The following SGCZ variants were observed in gnomAD, a reference collection of about 807,000 sequenced individuals.
SGCZ encodes zeta-sarcoglycan.
SGCZ carries 40 observed loss-of-function variants against 41.3 expected under a neutral mutation model. The ratio of observed to expected loss-of-function variants is 0.97; its 90% CI spans 0.75 to 1.26. SGCZ has a LOEUF of 1.26. SGCZ is among the 50% of genes most tolerant of loss of function. The pLI is 0.00. For synonymous variants in SGCZ, 206 were observed against 137.5 expected, an observed-to-expected ratio of 1.50 and a Z score of -3.49; for missense variants, 552 against 369.8, an observed-to-expected ratio of 1.49 and a Z score of -4.04.
chr8:14,951,383 C>T (rs73517382), intron 1 of SGCZ, among the ~76,000 whole-genome samples: 14,316 of 151,944 alleles, frequency 0.094, 882 homozygotes, highest in African/African-American at 0.16. Context: ...CACTATAGTG[C>T]ATGTCAAATT....
intron 1 of SGCZ, among the ~76,000 whole-genome samples, chr8:14,612,182 C>T (rs1032576402): frequency 7.2e-5 from 11 of 152,080 alleles, no homozygotes; most frequent in Non-Finnish European, 1.6e-4. Flanking sequence ...TGTGTCCCCA[C>T]CCAAATCTCA....
chr8:14,834,640 C>T (rs1476469123), intron 1 of SGCZ, among the ~76,000 whole-genome samples: 9 of 152,176 alleles, frequency 5.9e-5, no homozygotes, highest in Admixed American at 2.0e-4. Flanking sequence ...TATGATCGCA[C>T]TTTGGAGCGG....
Position 14,994,349 on chromosome 8 carries a change from C to T in SGCZ, c.39+243236G>A, listed in dbSNP as rs956353169. ...CTGTAATCCCAGCACTTTGGGAGGCCGAGGCGGGCAGATTGCCTGAGCTCA... is the reference window on the plus strand; with the variant it reads ...CTGTAATCCCAGCACTTTGGGAGGCTGAGGCGGGCAGATTGCCTGAGCTCA... On this transcript the variant is annotated intron_variant, in intron 1 of 7. Transcript: ENST00000382080. Among the ~76,000 whole-genome samples the T allele has an allele frequency of 6.6e-5, 10 of 152,078 alleles. 1 individual carries two copies. In the South Asian group the frequency reaches 1.0e-3, roughly 16 times the overall value.
At chr8:14,401,288 TTTTC>T (rs1267230451) in intron 2 of SGCZ, among the ~76,000 whole-genome samples, 5 of 151,984 alleles carry the variant, frequency 3.3e-5, no homozygotes, top group African/African-American at 9.7e-5. Context: ...ATTTATTTTT[TTTTC>T]TTTAATTATT....
At chr8:14,514,682 C>G (rs540339495) in intron 2 of SGCZ, among the ~76,000 whole-genome samples, 17 of 147,630 alleles carry the variant, frequency 1.2e-4, no homozygotes, top group Non-Finnish European at 2.1e-4. Flanking sequence ...AATATATATA[C>G]GTATATATTT....
At chr8:15,046,602 T>C (rs1804310198) in intron 1 of SGCZ, among the ~76,000 whole-genome samples, 1 of 151,992 alleles carries the variant, frequency 6.6e-6, no homozygotes, top group African/African-American at 2.4e-5. Flanking sequence ...GTTTCCCTGA[T>C]GCCCCAGTCC....
chr8:14,908,793 TA>T (rs1799197077), intron 1 of SGCZ, among the ~76,000 whole-genome samples: 1 of 148,966 alleles, frequency 6.7e-6, no homozygotes, highest in Admixed American at 6.7e-5. Flanking sequence ...CCTAATTCAC[TA>T]TAAAAAATAT....
At chr8:14,158,063 A>C (rs1803930644) in intron 5 of SGCZ, among the ~76,000 whole-genome samples, 1 of 151,520 alleles carries the variant, frequency 6.6e-6, no homozygotes, top group African/African-American at 2.4e-5. Flanking sequence ...TTGTGCCAAA[A>C]TTGTTCCAGC....
At chr8:14,657,084 A>G (rs751658938) in intron 1 of SGCZ, among the ~76,000 whole-genome samples, 5 of 152,012 alleles carry the variant, frequency 3.3e-5, no homozygotes, top group African/African-American at 1.2e-4. Context: ...TATTTTCAAT[A>G]ACTTTTTAAA....
At chr8:14,367,068 C>A (rs1168887220) in intron 2 of SGCZ, among the ~76,000 whole-genome samples, 1 of 152,114 alleles carries the variant, frequency 6.6e-6, no homozygotes, top group Non-Finnish European at 1.5e-5. Flanking sequence ...GCTCTGCTTT[C>A]TCCTGAACAC....
intron 1 of SGCZ, among the ~76,000 whole-genome samples, chr8:15,197,329 A>T (rs1800760726): frequency 6.6e-6 from 1 of 152,212 alleles, no homozygotes; most frequent in African/African-American, 2.4e-5. Context: ...AATACATATG[A>T]TGGCCTGTTT....
At chr8:15,043,317 C>A (rs977561336) in intron 1 of SGCZ, among the ~76,000 whole-genome samples, 5 of 152,240 alleles carry the variant, frequency 3.3e-5, no homozygotes, top group East Asian at 3.9e-4. Context: ...GATAAACTTT[C>A]TCGGTCGTTT....
chr8:15,217,281 T>G lies in SGCZ; in HGVS notation c.39+20304A>C, dbSNP rs1029164861. Among the ~76,000 whole-genome samples, 770 of 151,372 alleles carry G rather than the reference T, an allele frequency of 5.1e-3. 5 individuals are homozygous for G. Among genetic ancestry groups the G allele is most frequent in the African/African-American group, 0.018 (728 of 41,270 alleles). On this transcript the variant is annotated intron_variant, in intron 1 of 7. Transcript: ENST00000382080. ...AAATACAAAAAATTAGCCGGGCGTG[T>G]TGGCGGGCGCCTGTAGTCCCAGCTA...
intron 1 of SGCZ, among the ~76,000 whole-genome samples, chr8:15,060,949 G>C (rs988409841): frequency 6.6e-6 from 1 of 152,158 alleles, no homozygotes; most frequent in African/African-American, 2.4e-5. Context: ...GGATCAGCCA[G>C]AAATTTGGGT....
chr8:15,141,540 A>G (rs1450339553), intron 1 of SGCZ, among the ~76,000 whole-genome samples: 2 of 152,242 alleles, frequency 1.3e-5, no homozygotes, highest in Non-Finnish European at 2.9e-5. Flanking sequence ...ATGAAAGTGT[A>G]TGACTTGGGT....
chr8:14,644,202 AT>A (rs1339617804), intron 1 of SGCZ, among the ~76,000 whole-genome samples: 1 of 151,558 alleles, frequency 6.6e-6, no homozygotes, highest in African/African-American at 2.4e-5. Flanking sequence ...CTATAAAGGT[AT>A]TTTTTTAGAT....
chr8:14,448,941 A>C (rs901678692), intron 2 of SGCZ, among the ~76,000 whole-genome samples: 1 of 152,232 alleles, frequency 6.6e-6, no homozygotes, highest in African/African-American at 2.4e-5. Context: ...CTGGGTCCAA[A>C]GATTAATGAG....
chr8:14,850,470 G>A (rs1446193376), intron 1 of SGCZ, among the ~76,000 whole-genome samples: 1 of 152,172 alleles, frequency 6.6e-6, no homozygotes, highest in African/African-American at 2.4e-5. Context: ...GCACACAAGT[G>A]AGAAACGTGT....
At chr8:15,038,000 T>G (rs4831674) in intron 1 of SGCZ, among the ~76,000 whole-genome samples, 147,784 of 152,184 alleles carry the variant, frequency 0.97, 71,888 homozygotes, top group East Asian at 1. Flanking sequence ...TAGAATGAAA[T>G]AATTAATATG....
Sources: gnomAD v4.1 joint callset for allele counts (sites outside exome capture counted in the v4.1 genomes callset) on GRCh38, gnomAD v4.1.1 for gene constraint, MANE v1.5 for transcripts, NCBI Gene and HGNC (gene_info 2026-07-23, HGNC 2026-07-21) for gene names.